COL26A1: variants seen among roughly 807,000 people sequenced by gnomAD.
COL26A1 encodes collagen type XXVI alpha 1 chain.
A neutral mutation model predicts 59.3 loss-of-function variants in COL26A1; 41 were observed. The observed-to-expected ratio is 0.69, with a 90% confidence interval of 0.54 to 0.90. The LOEUF (loss-of-function observed/expected upper bound fraction) is 0.90, where lower values mean the gene tolerates loss of function less well. COL26A1 is among the 40% of genes least tolerant of loss of function. The probability of loss-of-function intolerance (pLI) is 0.00; values close to 1 mark genes in which losing one functional copy is unlikely to be tolerated. For missense variants in COL26A1, 612 were observed against 602.3 expected (o/e 1.02, Z -0.17); for synonymous variants, 266 against 256.0 (o/e 1.04, Z -0.37).
chr7:101,431,002 A>G (rs1792766301), intron 2 of COL26A1, among the ~76,000 whole-genome samples: 1 of 151,838 alleles, frequency 6.6e-6, no homozygotes, highest in African/African-American at 2.4e-5. Flanking sequence ...GGGTTTCGCC[A>G]TGTTGGCCAG....
chr7:101,547,276 C>A (rs1393882754), intron 8 of COL26A1, 37 bp downstream of exon 8: 15 of 1,464,224 alleles, frequency 1.0e-5, no homozygotes, highest in Non-Finnish European at 1.4e-5. Context: ...TTGAGGACTC[C>A]ATCCCCCCAG....
At chr7:101,430,589 A>G (rs1792756581) in intron 2 of COL26A1, among the ~76,000 whole-genome samples, 1 of 151,606 alleles carries the variant, frequency 6.6e-6, no homozygotes, top group African/African-American at 2.4e-5. Context: ...ATGTCCAGCC[A>G]GTATTTTTAA....
At chr7:101,383,268 T>C (rs1416335091) in intron 1 of COL26A1, among the ~76,000 whole-genome samples, 1 of 151,352 alleles carries the variant, frequency 6.6e-6, no homozygotes, top group African/African-American at 2.5e-5. Flanking sequence ...GCTACCTTTG[T>C]GAATTTTCAA....
chr7:101,450,744 TTC>T (rs1562986153), intron 3 of COL26A1, among the ~76,000 whole-genome samples: 6 of 111,656 alleles, frequency 5.4e-5, no homozygotes, highest in African/African-American at 2.6e-4. Context: ...ATATTCCATA[TTC>T]TATATGAATA....
intron 2 of COL26A1, among the ~76,000 whole-genome samples, chr7:101,446,067 A>AAAAAAAAAAAAAAAAAAAAAC (rs1793187773): frequency 6.6e-6 from 1 of 150,780 alleles, no homozygotes; most frequent in Non-Finnish European, 1.5e-5. Context: ...AAAAAAAAAA[A>AAAAAAAAAAAAAAAAAAAAAC]AAAGACAGTG....
At chr7:101,530,671 C>T (rs901357226) in intron 3 of COL26A1, among the ~76,000 whole-genome samples, 14 of 151,818 alleles carry the variant, frequency 9.2e-5, no homozygotes, top group African/African-American at 3.1e-4. Context: ...GGGACTCCAC[C>T]GTTTCATCAG....
intron 1 of COL26A1, among the ~76,000 whole-genome samples, chr7:101,375,524 CCT>C (rs762018677): frequency 6.6e-6 from 1 of 151,568 alleles, no homozygotes; most frequent in African/African-American, 2.4e-5. Context: ...AGCGAAATCC[CCT>C]GTCTACAAAA....
chr7:101,468,622 T>G (rs1322471068), intron 3 of COL26A1, among the ~76,000 whole-genome samples: 1 of 152,236 alleles, frequency 6.6e-6, no homozygotes, highest in Non-Finnish European at 1.5e-5. Context: ...TGATGCCATG[T>G]CTAGACACAA....
At chr7:101,454,776 A>G (rs1793430615) in intron 3 of COL26A1, among the ~76,000 whole-genome samples, 1 of 152,284 alleles carries the variant, frequency 6.6e-6, no homozygotes, top group African/African-American at 2.4e-5. Flanking sequence ...TGTGAGTTCA[A>G]TGTTAATGAA....
chr7:101,492,341 T>C (rs918821749), intron 3 of COL26A1, among the ~76,000 whole-genome samples: 3 of 152,148 alleles, frequency 2.0e-5, no homozygotes, highest in Admixed American at 6.6e-5. Flanking sequence ...GGGCAAACCA[T>C]GGCCATCAAC....
intron 9 of COL26A1, 69 bp downstream of exon 9, chr7:101,549,292 G>GA: frequency 9.5e-7 from 1 of 1,055,066 alleles, no homozygotes; most frequent in Non-Finnish European, 1.4e-6. Flanking sequence ...TCTCCCTAGG[G>GA]GAGAAGAAGC....
At chr7:101,375,507 G>A (rs1455399665) in intron 1 of COL26A1, among the ~76,000 whole-genome samples, 2 of 151,652 alleles carry the variant, frequency 1.3e-5, no homozygotes, top group African/African-American at 4.8e-5. Flanking sequence ...ACCAGCCCGG[G>A]CAACATAGCG....
intron 3 of COL26A1, among the ~76,000 whole-genome samples, chr7:101,461,133 G>A (rs112007958): frequency 0.011 from 1,659 of 152,040 alleles, 18 homozygotes; most frequent in Middle Eastern, 0.027. Context: ...ACCACACCAC[G>A]CCCAGCAATT....
intron 1 of COL26A1, among the ~76,000 whole-genome samples, chr7:101,377,059 A>G (rs1048776071): frequency 5.9e-5 from 9 of 152,004 alleles, no homozygotes; most frequent in Non-Finnish European, 1.2e-4. Flanking sequence ...GAGTTTTACC[A>G]TGTTTGCCAG....
At chr7:101,474,793 G>T (rs1429589394) in intron 3 of COL26A1, among the ~76,000 whole-genome samples, 1 of 152,148 alleles carries the variant, frequency 6.6e-6, no homozygotes, top group East Asian at 1.9e-4. Context: ...TGTGACATAG[G>T]AAACTTCAGA....
At chr7:101,496,279 C>G (rs780344733) in intron 3 of COL26A1, among the ~76,000 whole-genome samples, 1 of 152,180 alleles carries the variant, frequency 6.6e-6, no homozygotes, top group Non-Finnish European at 1.5e-5. Context: ...GGGGTTAATG[C>G]CCGGGTAACT....
At chr7:101,390,496 G>C (rs911275576) in intron 1 of COL26A1, among the ~76,000 whole-genome samples, 1 of 152,146 alleles carries the variant, frequency 6.6e-6, no homozygotes, top group African/African-American at 2.4e-5. Context: ...TGCAATCATA[G>C]CTCACTGCAG....
intron 2 of COL26A1, among the ~76,000 whole-genome samples, chr7:101,428,562 A>G (rs777093933): frequency 2.6e-5 from 4 of 152,140 alleles, no homozygotes; most frequent in Non-Finnish European, 5.9e-5. Context: ...TGTCAGTTCA[A>G]GGTTGGACAG....
intron 1 of COL26A1, among the ~76,000 whole-genome samples, chr7:101,416,338 G>A (rs546308493): frequency 2.8e-5 from 4 of 143,182 alleles, no homozygotes; most frequent in Non-Finnish European, 4.7e-5. Flanking sequence ...GCTGTGGTGA[G>A]CCATGATCAT....
Sources: allele counts gnomAD v4.1 joint callset (sites outside exome capture counted in the v4.1 genomes callset), GRCh38; gene constraint gnomAD v4.1.1; transcripts MANE v1.5; gene names NCBI Gene and HGNC (gene_info 2026-07-23, HGNC 2026-07-21).